Variants in AGBL4 observed in about 807,000 individuals in gnomAD.
The protein encoded by AGBL4 is AGBL carboxypeptidase 4, also known as cytosolic carboxypeptidase 6.
AGBL4 carries 58 observed loss-of-function variants against 66.4 expected under a neutral mutation model. The ratio of observed to expected loss-of-function variants is 0.87; its 90% CI spans 0.71 to 1.09. AGBL4 has a LOEUF of 1.09. Ranked by LOEUF, AGBL4 falls within the 50% of genes least tolerant of loss-of-function variation. AGBL4 has a pLI of 0.00. For synonymous variants in AGBL4, 234 were observed against 222.9 expected (o/e 1.05, Z -0.44); for missense variants, 579 against 631.0 (o/e 0.92, Z 0.88).
chr1:49,260,475 T>TA (rs1431816285), intron 3 of AGBL4, among the ~76,000 whole-genome samples: 1 of 151,892 alleles, frequency 6.6e-6, no homozygotes, highest in Non-Finnish European at 1.5e-5. Context: ...ATAAAGGGGA[T>TA]ATCACCACCG....
At chr1:49,946,005 T>A (rs1055408525) in intron 1 of AGBL4, among the ~76,000 whole-genome samples, 3 of 151,372 alleles carry the variant, frequency 2.0e-5, no homozygotes, top group Admixed American at 6.6e-5. Context: ...AACAGGAAAA[T>A]ATCACAATCC....
chr1:49,560,958 A>T, intron 3 of AGBL4, among the ~76,000 whole-genome samples: 1 of 152,128 alleles, frequency 6.6e-6, no homozygotes, highest in Non-Finnish European at 1.5e-5. Context: ...AGGAATGCTA[A>T]AGGGACTTCG....
chr1:49,836,782 G>T (rs1645861614), intron 2 of AGBL4, among the ~76,000 whole-genome samples: 1 of 152,132 alleles, frequency 6.6e-6, no homozygotes, highest in Admixed American at 6.6e-5. Context: ...CCTTTTTGTT[G>T]ATGTTGATGC....
chr1:48,745,285 T>C (rs1186020586), intron 6 of AGBL4, among the ~76,000 whole-genome samples: 1 of 152,150 alleles, frequency 6.6e-6, no homozygotes, highest in Admixed American at 6.5e-5. Context: ...TGGGAAGCTG[T>C]TCTGAATGTC....
intron 3 of AGBL4, among the ~76,000 whole-genome samples, chr1:49,651,276 C>T (rs946212463): frequency 1.3e-5 from 2 of 152,074 alleles, no homozygotes; most frequent in South Asian, 4.2e-4. Context: ...CGCCCCCTAC[C>T]CCTCTCCCCA....
intron 2 of AGBL4, among the ~76,000 whole-genome samples, chr1:49,718,971 G>A (rs1648382532): frequency 6.6e-6 from 1 of 151,976 alleles, no homozygotes; most frequent in African/African-American, 2.4e-5. Flanking sequence ...AAGTTATCCA[G>A]GAGTGAGACA....
intron 3 of AGBL4, among the ~76,000 whole-genome samples, chr1:49,299,310 C>T (rs983728042): frequency 6.6e-6 from 1 of 152,120 alleles, no homozygotes; most frequent in African/African-American, 2.4e-5. Flanking sequence ...TAATAACATG[C>T]CTAAGGTAAC....
intron 6 of AGBL4, among the ~76,000 whole-genome samples, chr1:48,863,399 A>G (rs1408216119): frequency 6.6e-6 from 1 of 152,146 alleles, no homozygotes; most frequent in Non-Finnish European, 1.5e-5. Flanking sequence ...AATATGTCTA[A>G]ATATATTAGT....
At chr1:49,093,726 T>C (rs933309831) in intron 4 of AGBL4, among the ~76,000 whole-genome samples, 2 of 152,210 alleles carry the variant, frequency 1.3e-5, no homozygotes, top group Non-Finnish European at 2.9e-5. Flanking sequence ...CATGGTTGTA[T>C]AATAACTAGA....
At chr1:49,035,843 T>G (rs1664605980) in intron 5 of AGBL4, among the ~76,000 whole-genome samples, 1 of 152,100 alleles carries the variant, frequency 6.6e-6, no homozygotes, top group African/African-American at 2.4e-5. Flanking sequence ...CTCTCCAACT[T>G]TCTATAAACC....
intron 3 of AGBL4, among the ~76,000 whole-genome samples, chr1:49,391,777 G>A (rs1370312776): frequency 6.6e-6 from 1 of 151,934 alleles, no homozygotes; most frequent in Non-Finnish European, 1.5e-5. Flanking sequence ...TAGCCAGGAT[G>A]GTCTTGATCT....
In AGBL4 at chr1:48,654,273, C is replaced by T. The variant is rs199680305; in HGVS notation, c.725-822G>A. On this transcript the variant is annotated intron_variant, in intron 7 of 13. Coordinates refer to ENST00000371839, the MANE Select transcript of AGBL4 (RefSeq NM_032785.4). ...AACAGCCACCACCTATGAAATGAGC[C>T]CTCATCGCTGAAGCCAGAAGGATCT... Among the ~76,000 whole-genome samples the T allele has an allele frequency of 7.2e-5, 11 of 152,230 alleles. No homozygotes were observed. The East Asian group carries it at 1.7e-3, about 24-fold the overall frequency.
chr1:50,019,826 C>CT (rs1303823755), intron 1 of AGBL4, among the ~76,000 whole-genome samples: 5 of 151,982 alleles, frequency 3.3e-5, no homozygotes. Context: ...TAGCATGAGA[C>CT]TAATACTCCT....
intron 1 of AGBL4, among the ~76,000 whole-genome samples, chr1:49,892,207 T>A (rs1306165599): frequency 6.6e-6 from 1 of 152,226 alleles, no homozygotes; most frequent in Non-Finnish European, 1.5e-5. Context: ...TAAGGACAAT[T>A]AATATCTTTT....
At chr1:49,267,184 C>A (rs1441818986) in intron 3 of AGBL4, among the ~76,000 whole-genome samples, 1 of 152,120 alleles carries the variant, frequency 6.6e-6, no homozygotes, top group Non-Finnish European at 1.5e-5. Context: ...GAGCCACTTC[C>A]CAAAAGATGA....
In AGBL4 at chr1:48,758,093, T is replaced by C. The variant is rs369881477; in HGVS notation, c.635-94852A>G. On this transcript the variant is annotated intron_variant, in intron 6 of 13. Coordinates refer to ENST00000371839, the MANE Select transcript of AGBL4 (RefSeq NM_032785.4). ...CTAAACCACTTTAGATCAGAAAACCTGATTAGTTAAAATAGGGTGCAATAT... is the reference window on the plus strand; with the variant it reads ...CTAAACCACTTTAGATCAGAAAACCCGATTAGTTAAAATAGGGTGCAATAT... Among the ~76,000 whole-genome samples the C allele has an allele frequency of 2.6e-5, 4 of 152,362 alleles. No homozygotes were observed. In the South Asian group the frequency reaches 8.3e-4, roughly 32 times the overall value.
intron 4 of AGBL4, among the ~76,000 whole-genome samples, chr1:49,151,211 G>T (rs1486817353): frequency 6.7e-6 from 1 of 150,284 alleles, no homozygotes; most frequent in Admixed American, 6.6e-5. Context: ...GAAGCTTGCA[G>T]TGAGCCGAGA....
chr1:49,192,429 G>C (rs1007864027), intron 4 of AGBL4, among the ~76,000 whole-genome samples: 1 of 152,132 alleles, frequency 6.6e-6, no homozygotes, highest in African/African-American at 2.4e-5. Context: ...CTCCAGAGTA[G>C]CTGGGATTAT....
chr1:48,567,343 G>A (rs1295430771), intron 11 of AGBL4, among the ~76,000 whole-genome samples: 1 of 152,178 alleles, frequency 6.6e-6, no homozygotes, highest in Non-Finnish European at 1.5e-5. Context: ...AGAGGAAGCT[G>A]GGCCCACACC....
Sources: gnomAD v4.1 joint callset for allele counts (sites outside exome capture counted in the v4.1 genomes callset) on GRCh38, gnomAD v4.1.1 for gene constraint, MANE v1.5 for transcripts, NCBI Gene and HGNC (gene_info 2026-07-23, HGNC 2026-07-21) for gene names.